Variants in DNAJC21 observed in about 807,000 individuals in gnomAD.
DNAJC21 encodes the protein DnaJ heat shock protein family (Hsp40) member C21.
In DNAJC21, 63 loss-of-function variants were observed where a neutral mutation model predicts 72.4. The observed-to-expected ratio is 0.87, with a 90% confidence interval of 0.71 to 1.07. The LOEUF (loss-of-function observed/expected upper bound fraction) is 1.07, where lower values mean the gene tolerates loss of function less well. DNAJC21 is among the 50% of genes least tolerant of loss of function. The pLI, the probability that DNAJC21 is intolerant of heterozygous loss-of-function variation, is 0.00. For missense variants in DNAJC21, 634 were observed against 644.8 expected (o/e 0.98, Z 0.18); for synonymous variants, 203 against 216.7 (o/e 0.94, Z 0.56).
chr5:34,939,517 G>A (rs910859280), intron 6 of DNAJC21, among the ~76,000 whole-genome samples: 6 of 151,586 alleles, frequency 4.0e-5, no homozygotes, highest in African/African-American at 1.2e-4. Flanking sequence ...CACCCGCCTC[G>A]ACCTCCCAAA....
rs1036569669 is a variant in DNAJC21 at position 34,952,027 on chromosome 5, C to G, written c.1358+1685C>G. On this transcript the variant is annotated intron_variant, in intron 10 of 11. Coordinates refer to ENST00000648817, the MANE Select transcript of DNAJC21 (RefSeq NM_001012339.3). ...CACCCTCCCCACACCACTCTGCTGT[C>G]CCCTGGATCCAGGGCCTTTATGCTG... 8 of 985,292 alleles carry G rather than the reference C, an allele frequency of 8.1e-6. No homozygotes were observed. The African/African-American group carries it at 1.2e-4, about 15-fold the overall frequency. The allele number at this position is 985,292 out of a possible 1,614,324, so 61.0% of individuals were successfully genotyped here. A position where few individuals can be genotyped will look rare whatever the true frequency, so the allele number is the denominator to read the frequency against.
At chr5:34,948,254 C>T (rs1765237570) in intron 9 of DNAJC21, among the ~76,000 whole-genome samples, 1 of 152,172 alleles carries the variant, frequency 6.6e-6, no homozygotes, top group Admixed American at 6.5e-5. Flanking sequence ...AGTGACACCC[C>T]TAGCAGTGAG....
At chr5:34,939,411 G>A (rs1408652841) in intron 6 of DNAJC21, among the ~76,000 whole-genome samples, 8 of 152,156 alleles carry the variant, frequency 5.3e-5, no homozygotes, top group Middle Eastern at 3.4e-3. Context: ...GACTACAGGC[G>A]CCCGCCACCG....
At chr5:34,933,135 AAAAC>A (rs945235229) in intron 1 of DNAJC21, among the ~76,000 whole-genome samples, 2 of 152,244 alleles carry the variant, frequency 1.3e-5, no homozygotes, top group African/African-American at 4.8e-5. Flanking sequence ...GAGAAAGAAA[AAAAC>A]AATGTCAGCA....
At chr5:34,939,143 C>A (rs866867553) in intron 6 of DNAJC21, 134 bp downstream of exon 6, 2 of 785,338 alleles carry the variant, frequency 2.5e-6, no homozygotes, top group South Asian at 2.0e-5. Context: ...CAAAGGTAGT[C>A]GGCTGAGCTA....
intron 5 of DNAJC21, among the ~76,000 whole-genome samples, chr5:34,938,655 T>C (rs531968607): frequency 6.6e-6 from 1 of 152,376 alleles, no homozygotes; most frequent in African/African-American, 2.4e-5. Flanking sequence ...TATCTACTAC[T>C]GGAGCAATTA....
At chr5:34,947,766 CTGTTCTGTTATCTGTT>C (rs1194671898) in intron 9 of DNAJC21, among the ~76,000 whole-genome samples, 1 of 147,930 alleles carries the variant, frequency 6.8e-6, no homozygotes, top group Non-Finnish European at 1.5e-5. Context: ...GTGCCGTATT[CTGTTCTGTTATCTGTT>C]TTTCTGTCTT....
chr5:34,932,738 A>G (rs554268455), intron 1 of DNAJC21, among the ~76,000 whole-genome samples: 106 of 152,312 alleles, frequency 7.0e-4, no homozygotes, highest in African/African-American at 2.3e-3. Context: ...TCTGCCGGCT[A>G]TTGGCCTCCT....
chr5:34,934,023 C>A, intron 2 of DNAJC21, 115 bp downstream of exon 2: 1 of 748,254 alleles, frequency 1.3e-6, no homozygotes, highest in Non-Finnish European at 2.1e-6. Context: ...TGTTCTGAAA[C>A]ATCTGTCACC....
chr5:34,951,170 A>G (rs1415154268), intron 10 of DNAJC21: 7 of 985,362 alleles, frequency 7.1e-6, no homozygotes, highest in Non-Finnish European at 8.4e-6. Flanking sequence ...GACTCTGGCT[A>G]TAGAAAAAGG....
chr5:34,933,138 ACAATGTCAG>A (rs2112021404), intron 1 of DNAJC21, among the ~76,000 whole-genome samples: 1 of 152,364 alleles, frequency 6.6e-6, no homozygotes, highest in South Asian at 2.1e-4. Flanking sequence ...AAAGAAAAAA[ACAATGTCAG>A]CACTAAACAT....
At position 34,958,508 on chromosome 5, in the gene DNAJC21, A is replaced by T. The variant is rs911765376; in HGVS notation, c.*3794A>T. The T allele has an allele frequency of 3.9e-5, 6 of 152,230 alleles. No individual in the cohort carries two copies. Among genetic ancestry groups the T allele is most frequent in the African/African-American group, 1.4e-4 (6 of 41,450 alleles). 9.4% of individuals were successfully genotyped at this position (152,230 alleles called of 1,614,324 possible). A position where few individuals can be genotyped will look rare whatever the true frequency, so the allele number is the denominator to read the frequency against. On this transcript the variant is annotated 3_prime_UTR_variant, in exon 12 of 12. Coordinates refer to ENST00000648817, the MANE Select transcript of DNAJC21 (RefSeq NM_001012339.3). ...TTTCATGATTTTGCAAATGGGAAGG[A>T]TTTCTTTAAAGCAAGACACAAAAGC... is the stretch of plus-strand genomic sequence containing the variant.
intron 10 of DNAJC21, chr5:34,951,732 C>T: frequency 1.2e-6 from 1 of 862,744 alleles, no homozygotes; most frequent in Non-Finnish European, 1.4e-6. Context: ...CACCATGTTG[C>T]ACAGGGTGGT....
chr5:34,942,086 A>C (rs1321638889), intron 7 of DNAJC21, among the ~76,000 whole-genome samples: 1 of 152,094 alleles, frequency 6.6e-6, no homozygotes, highest in African/African-American at 2.4e-5. Context: ...CTCCAGAAGC[A>C]TTGCTTGTTT....
intron 8 of DNAJC21, 73 bp from the exon 9 acceptor site, chr5:34,945,688 T>A: frequency 7.2e-7 from 1 of 1,393,980 alleles, no homozygotes; most frequent in East Asian, 2.4e-5. Context: ...CACTAGTGTT[T>A]CAACTTTTTT....
intron 6 of DNAJC21, among the ~76,000 whole-genome samples, 182 bp downstream of exon 6, chr5:34,939,191 G>A (rs1764900658): frequency 6.6e-6 from 1 of 152,068 alleles, no homozygotes; most frequent in Admixed American, 6.5e-5. Context: ...ATTCTTTTCT[G>A]ACCATGTCCT....
intron 6 of DNAJC21, 41 bp downstream of exon 6, chr5:34,939,050 A>G (rs760804444): frequency 5.5e-6 from 8 of 1,449,724 alleles, no homozygotes; most frequent in Non-Finnish European, 7.3e-6. Context: ...TTGTTTTTTA[A>G]GTGAAGCTGG....
intron 8 of DNAJC21, among the ~76,000 whole-genome samples, chr5:34,945,353 C>T (rs1765139605): frequency 6.6e-6 from 1 of 152,188 alleles, no homozygotes; most frequent in Non-Finnish European, 1.5e-5. Flanking sequence ...GCTGGGGTTA[C>T]AGGTGTGAGC....
intron 7 of DNAJC21, among the ~76,000 whole-genome samples, chr5:34,942,627 T>C (rs917211655): frequency 3.3e-5 from 5 of 152,170 alleles, no homozygotes; most frequent in South Asian, 4.1e-4. Context: ...GTGTGTCTGA[T>C]TGACCTGTTA....
Sources: allele counts gnomAD v4.1 joint callset (sites outside exome capture counted in the v4.1 genomes callset), GRCh38; gene constraint gnomAD v4.1.1; transcripts MANE v1.5; gene names NCBI Gene and HGNC (gene_info 2026-07-23, HGNC 2026-07-21).